Variants in NPR1 observed in about 807,000 individuals in gnomAD.
NPR1 encodes the protein atrial natriuretic peptide receptor 1.
In NPR1, 57 loss-of-function variants were observed where a neutral mutation model predicts 116.9. The observed-to-expected ratio is 0.49, with a 90% CI of 0.39 to 0.61. The LOEUF (loss-of-function observed/expected upper bound fraction) is 0.61, where lower values mean the gene tolerates loss of function less well. Among genes scored for constraint, NPR1 ranks in the 20% least tolerant of loss-of-function variants. The pLI is 0.00. For synonymous variants in NPR1, 555 were observed against 601.6 expected, an observed-to-expected ratio of 0.92 and a Z score of 1.13; for missense variants, 1,096 against 1,409.8, an observed-to-expected ratio of 0.78 and a Z score of 3.56.
Position 153,689,175 on chromosome 1 carries a change from C to G in NPR1, c.2565-13C>G, listed in dbSNP as rs1417430179. 1.9e-6 allele frequency: 3 copies of G among 1,614,218 alleles called. No homozygotes were observed. The highest frequency in any genetic ancestry group is 2.5e-6 in the Non-Finnish European group (3 of 1,180,032). On this transcript the variant is annotated splice_polypyrimidine_tract_variant and intron_variant, in intron 16 of 21. Coordinates refer to ENST00000368680, the MANE Select transcript of NPR1 (RefSeq NM_000906.4). This position sits in a 1 kb window ranked among gnomAD's most constrained non-coding sequence, Gnocchi z 5.1. ...CCCCCAACTCTGATCCTGCACCTGC[C>G]CTGACCCCTTAGCTCAGTGGCTGAG...
In NPR1 at chr1:153,689,049, C is replaced by T; in HGVS notation, c.2514C>T (p.Tyr838=). 6.2e-7 allele frequency: 1 copy of T among 1,614,220 alleles called. No homozygotes were observed. Among genetic ancestry groups the T allele is most frequent in the Non-Finnish European group, 8.5e-7 (1 of 1,180,046 alleles). The change falls in exon 16 of 22, where the codon TAC becomes TAT. Residue 838 remains tyrosine, a synonymous_variant. Transcript: ENST00000368680. This position sits in a 1 kb window ranked among gnomAD's most constrained non-coding sequence, Gnocchi z 5.1. ...TGGTGGAGGAGCGGACCCAGGCATA[C>T]CTGGAGGAGAAGCGCAAGGCTGAGG... The part of the protein sequence containing the change: ...EELVEERTQA[Y]LEEKRKAEAL...
chr1:153,693,832 C>A lies in NPR1; in HGVS notation c.*418C>A, dbSNP rs769347779. 5 of 401,626 alleles carry A rather than the reference C, an allele frequency of 1.2e-5. No individual in the cohort carries two copies. The highest frequency in any genetic ancestry group is 2.2e-5 in the Non-Finnish European group (5 of 228,368). 24.9% of individuals were successfully genotyped at this position (401,626 alleles called of 1,614,324 possible). A position where few individuals can be genotyped will look rare whatever the true frequency, so the allele number is the denominator to read the frequency against. The stretch of plus-strand genomic sequence containing the variant: ...ACTAGGTGAAGAGAGGGCAGGGGAG[C>A]CCACATCTGGGGCTGGCCCACAATA... On this transcript the variant is annotated 3_prime_UTR_variant, in exon 22 of 22. Transcript: ENST00000368680.
chr1:153,687,118 G>A lies in NPR1; in HGVS notation c.1935+31G>A, dbSNP rs1399930494. 3.7e-6 allele frequency: 6 copies of A among 1,613,888 alleles called. No homozygotes were observed. The Admixed American group carries it at 1.0e-4, about 27-fold the overall frequency. ...CCCCTAAGCACCTATTGGATGTGTA[G>A]AGCAGGGGCCAGGCATGCTTCTCCT... On this transcript the variant is annotated intron_variant, in intron 12 of 21. Transcript: ENST00000368680.
intron 19 of NPR1, 123 bp downstream of exon 19, chr1:153,690,103 T>C: frequency 3.3e-6 from 2 of 605,804 alleles, no homozygotes; most frequent in Non-Finnish European, 5.2e-6. Context: ...TCTCTCTCTC[T>C]CTCTGTCTCT....
intron 20 of NPR1, 49 bp from the exon 21 acceptor site, chr1:153,693,057 C>T: frequency 6.8e-7 from 1 of 1,461,458 alleles, no homozygotes; most frequent in Non-Finnish European, 9.5e-7. Flanking sequence ...TACTTTCCTG[C>T]TCTCCTCTCT....
In NPR1 at chr1:153,689,284, G is replaced by T; in HGVS notation, c.2661G>T (p.Ala887=). 1 of 1,614,218 alleles carries T rather than the reference G, an allele frequency of 6.2e-7. No homozygotes were observed. The highest frequency in any genetic ancestry group is 1.6e-4 in the Middle Eastern group (1 of 6,062). Residue 887 remains alanine (A), a synonymous_variant, in exon 17 of 22, where the codon GCG becomes GCT. Transcript: ENST00000368680. This position sits in a 1 kb window ranked among gnomAD's most constrained non-coding sequence, Gnocchi z 5.1. The stretch of plus-strand genomic sequence containing the variant: ...TCAGTGACATTGTGGGTTTCACAGC[G>T]CTGTCGGCGGAGAGCACACCCATGC... ...IYFSDIVGFT[A]LSAESTPMQV... is the part of the protein sequence containing the mutation.
Position 153,686,197 on chromosome 1 carries a change from G to A in NPR1, c.1755G>A (p.Lys585=). The change falls in exon 10 of 22, where the codon AAG becomes AAA. Residue 585 remains lysine (K), a synonymous_variant. Coordinates refer to ENST00000368680, the MANE Select transcript of NPR1 (RefSeq NM_000906.4). The stretch of plus-strand genomic sequence containing the variant: ...CACGAAAAGTCCTGTTTGAACTGAA[G>A]CATGTAATGTGGGGAGTGAGGCAGT... ...ELTRKVLFEL[K]HMRDVQNEHL... is the part of the protein sequence containing the mutation. 6.2e-7 allele frequency: 1 copy of A among 1,614,038 alleles called. No individual in the cohort carries two copies. The highest frequency in any genetic ancestry group is 8.5e-7 in the Non-Finnish European group (1 of 1,179,950).
chr1:153,683,594 C>A, intron 6 of NPR1, 83 bp downstream of exon 6: 1 of 1,583,814 alleles, frequency 6.3e-7, no homozygotes. Context: ...TGCTCCTGTC[C>A]CATGCTGAGG....
chr1:153,684,696 T>A (rs12097725), intron 7 of NPR1, among the ~76,000 whole-genome samples: 19,770 of 152,172 alleles, frequency 0.13, 1,942 homozygotes, highest in African/African-American at 0.27. Flanking sequence ...GGCCTCATGT[T>A]CACTATTTCT....
In NPR1 at chr1:153,686,767, G is replaced by A. The variant is rs201259171; in HGVS notation, c.1863+17G>A. On this transcript the variant is annotated intron_variant, in intron 11 of 21. Transcript: ENST00000368680. ...AGCCTGCAGGTGAGGGGGACAAGGG[G>A]TGTCAAGAAACCTGGGTTCTAGCCC... 11 of 1,606,534 alleles carry A rather than the reference G, an allele frequency of 6.8e-6. No individual in the cohort carries two copies. In the East Asian group the frequency reaches 1.1e-4, roughly 16 times the overall value.
Position 153,683,404 on chromosome 1 carries a change from A to G in NPR1, c.1292A>G (p.Gln431Arg). Residue 431 changes from glutamine (Q) to arginine (R), a missense_variant, in exon 6 of 22, where the codon CAA (glutamine) becomes CGA (arginine). Coordinates refer to ENST00000368680, the MANE Select transcript of NPR1 (RefSeq NM_000906.4). ...RVVLNYNGTS[Q>R]ELVAVSGRKL... ...GTACTGAACTACAATGGGACTTCCC[A>G]AGAGCTGGTGGCTGTGTCGGGGCGC... 1 of 1,614,156 alleles carries G rather than the reference A, an allele frequency of 6.2e-7. No homozygotes were observed.
rs1490735082 is a variant in NPR1 at position 153,679,438 on chromosome 1, C to A, written c.330C>A (p.Pro110=). ...TGGACCTCAAGTGGGAGCACAACCC[C>A]GCTGTGTTCCTGGGCCCCGGCTGCG... The part of the protein sequence containing the change: ...AAVDLKWEHN[P]AVFLGPGCVY... The change falls in exon 1 of 22, where the codon CCC becomes CCA. Residue 110 remains proline (P), a synonymous_variant. Transcript: ENST00000368680. This position sits in a 1 kb window ranked among gnomAD's most constrained non-coding sequence, Gnocchi z 4.2. 6 of 1,543,124 alleles carry A rather than the reference C, an allele frequency of 3.9e-6. No homozygotes were observed. The highest frequency in any genetic ancestry group is 4.4e-6 in the Non-Finnish European group (5 of 1,148,926).
intron 4 of NPR1, among the ~76,000 whole-genome samples, chr1:153,682,202 C>T (rs1267642551): frequency 1.3e-5 from 2 of 151,852 alleles, no homozygotes; most frequent in African/African-American, 4.8e-5. Context: ...TTACAGGTGC[C>T]CTCCACCAAC....
chr1:153,683,342 C>T, intron 5 of NPR1, 34 bp from the exon 6 acceptor site: 1 of 1,599,942 alleles, frequency 6.3e-7, no homozygotes, highest in East Asian at 2.3e-5. Flanking sequence ...TCCCCGCAGG[C>T]CCTGGCCTAG....
Position 153,683,422 on chromosome 1 carries a change from C to T in NPR1, c.1310C>T (p.Ser437Leu), listed in dbSNP as rs552746066. 68 of 1,614,180 alleles carry T rather than the reference C, an allele frequency of 4.2e-5. No homozygotes were observed. In the South Asian group the frequency reaches 5.2e-4, roughly 12 times the overall value. Residue 437 changes from serine to leucine, a missense_variant, in exon 6 of 22, where the codon TCG becomes TTG. Coordinates refer to ENST00000368680, the MANE Select transcript of NPR1 (RefSeq NM_000906.4). ...ACTTCCCAAGAGCTGGTGGCTGTGT[C>T]GGGGCGCAAACTGAACTGGCCCCTG... is the stretch of plus-strand genomic sequence containing the variant. ...NGTSQELVAV[S>L]GRKLNWPLGY...
intron 11 of NPR1, 61 bp from the exon 12 acceptor site, chr1:153,686,954 AC>A: frequency 1.9e-6 from 3 of 1,560,216 alleles, no homozygotes; most frequent in Non-Finnish European, 2.7e-6. Context: ...AGGACCCTGC[AC>A]CCTCCTCCAA....
chr1:153,689,560 A>G lies in NPR1; in HGVS notation c.2757+39A>G, dbSNP rs747227212. The G allele has an allele frequency of 6.1e-5, 97 of 1,583,386 alleles. No individual in the cohort carries two copies. The Admixed American group carries it at 1.6e-3, about 26-fold the overall frequency. ...TGGGGATGGGAAGGGACAGACAGAC[A>G]TGGACAAGGTCAGAAAAAGATGAGG... On this transcript the variant is annotated intron_variant, in intron 18 of 21. Coordinates refer to ENST00000368680, the MANE Select transcript of NPR1 (RefSeq NM_000906.4). The surrounding 1 kb of genome is among the most constrained non-coding windows in gnomAD (Gnocchi z 5.1).
At chr1:153,688,504 G>A (rs1448337591) in intron 15 of NPR1, among the ~76,000 whole-genome samples, 1 of 152,092 alleles carries the variant, frequency 6.6e-6, no homozygotes, top group African/African-American at 2.4e-5. Flanking sequence ...CTTCTCAGCA[G>A]TGTGTAGGAT....
In NPR1 at chr1:153,687,208, G is replaced by C. The variant is rs143447413; in HGVS notation, c.1944G>C (p.Leu648=). 1 of 1,614,118 alleles carries C rather than the reference G, an allele frequency of 6.2e-7. No individual in the cohort carries two copies. Residue 648 remains leucine (L), a synonymous_variant, in exon 13 of 22, where the codon CTG becomes CTC. Transcript: ENST00000368680. ...CCCACTCACATTTCCAGGGCATGCT[G>C]TTTCTACACAATGGGGCTATCTGTT... ...SLTNDIVKGM[L]FLHNGAICSH...
Sources: gnomAD v4.1 joint callset for allele counts (sites outside exome capture counted in the v4.1 genomes callset) on GRCh38, gnomAD v4.1.1 for gene constraint, Gnocchi (gnomAD v3.1) non-coding constraint, MANE v1.5 for transcripts, NCBI Gene and HGNC (gene_info 2026-07-23, HGNC 2026-07-21) for gene names.